GOT1: variants seen among roughly 807,000 people sequenced by gnomAD.
The protein encoded by GOT1 is aspartate aminotransferase, cytoplasmic.
GOT1 carries 25 observed loss-of-function variants against 48.2 expected under a neutral mutation model. The observed-to-expected ratio is 0.52, with a 90% CI of 0.38 to 0.72. The LOEUF is 0.72. GOT1 is among the 30% of genes least tolerant of loss of function. GOT1 has a pLI of 0.00. For synonymous variants in GOT1, 188 were observed against 193.8 expected (o/e 0.97, Z 0.25); for missense variants, 380 against 520.1 (o/e 0.73, Z 2.62).
chr10:99,420,952 A>AAT, intron 1 of GOT1, 147 bp from the exon 2 acceptor site: 1 of 668,316 alleles, frequency 1.5e-6, no homozygotes. Flanking sequence ...TCACTTACTG[A>AAT]GTACCTAATT....
At chr10:99,426,971 G>A (rs1333889689) in intron 1 of GOT1, among the ~76,000 whole-genome samples, 1 of 152,162 alleles carries the variant, frequency 6.6e-6, no homozygotes, top group East Asian at 1.9e-4. Context: ...TATACTTGGG[G>A]ATGTGTATAA....
chr10:99,419,509 A>T (rs1159339400), intron 2 of GOT1, among the ~76,000 whole-genome samples: 1 of 151,850 alleles, frequency 6.6e-6, no homozygotes, highest in Non-Finnish European at 1.5e-5. Context: ...CTGTCCCTGG[A>T]CTCCTACCAT....
intron 5 of GOT1, 22 bp from the exon 6 acceptor site, chr10:99,403,896 C>T (rs373803168): frequency 2.2e-5 from 36 of 1,612,288 alleles, no homozygotes; most frequent in Non-Finnish European, 2.9e-5. Context: ...CAAAGTGAGT[C>T]AGGGCAGGAA....
chr10:99,397,688 T>C lies in GOT1; in HGVS notation c.1103-2A>G. The C allele has an allele frequency of 6.2e-7, 1 of 1,614,014 alleles. No homozygotes were observed. The highest frequency in any genetic ancestry group is 8.5e-7 in the Non-Finnish European group (1 of 1,179,890). The stretch of plus-strand genomic sequence containing the variant: ...TGACCAGATACTCAACCTGCTTGGC[T>C]GTTGAAAACCAAAAGAAGACATAAT... On this transcript the variant is annotated splice_acceptor_variant, in intron 8 of 8. Transcript: ENST00000370508. LOFTEE classifies it high-confidence loss of function. This position sits in a 1 kb window ranked among gnomAD's most constrained non-coding sequence, Gnocchi z 5.4.
rs1564970292 is a variant in GOT1, at chr10:99,406,746, T to C, written c.404A>G (p.Tyr135Cys). Reference protein sequence around the residue: ...NGTNNKNTPVYVSSPTWENHN... With the variant: ...NGTNNKNTPVCVSSPTWENHN... ...CTCACCCCAGGTTGGTGAGGACACATAGACAGGTGTGTTCTTGTTGTTTGT... is the reference window on the plus strand; with the variant it reads ...CTCACCCCAGGTTGGTGAGGACACACAGACAGGTGTGTTCTTGTTGTTTGT... The change falls in exon 3 of 9, where the codon TAT (tyrosine) becomes TGT (cysteine). Residue 135 changes from tyrosine (Y) to cysteine (C), a missense_variant. Coordinates refer to ENST00000370508, the MANE Select transcript of GOT1 (RefSeq NM_002079.3). The C allele has an allele frequency of 1.2e-6, 2 of 1,613,918 alleles. No homozygotes were observed. Among genetic ancestry groups the C allele is most frequent in the Non-Finnish European group, 1.7e-6 (2 of 1,179,830 alleles).
Position 99,403,708 on chromosome 10 carries a change from TCAGGAGAG to T in GOT1, c.793+8_793+15del. On this transcript the variant is annotated splice_region_variant and intron_variant, in intron 6 of 8. Coordinates refer to ENST00000370508, the MANE Select transcript of GOT1 (RefSeq NM_002079.3). ...TGCGAGGAGGTGGGGCTGTAACTCCTCAGGAGAGCACTCACTGTAGAGCCCGAAGTTCT... is the reference window on the plus strand; with the variant it reads ...TGCGAGGAGGTGGGGCTGTAACTCCTCACTCACTGTAGAGCCCGAAGTTCT... 6.2e-7 allele frequency: 1 copy of T among 1,614,132 alleles called. No individual in the cohort carries two copies. Among genetic ancestry groups the T allele is most frequent in the Non-Finnish European group, 8.5e-7 (1 of 1,179,996 alleles).
At chr10:99,418,049 A>AT (rs2032919390) in intron 2 of GOT1, among the ~76,000 whole-genome samples, 3 of 97,258 alleles carry the variant, frequency 3.1e-5, no homozygotes, top group Non-Finnish European at 5.9e-5. Context: ...TTAAAGTATA[A>AT]TTAAAAAAAA....
intron 8 of GOT1, among the ~76,000 whole-genome samples, chr10:99,399,342 T>G (rs2032641621): frequency 6.6e-6 from 1 of 152,246 alleles, no homozygotes; most frequent in African/African-American, 2.4e-5. Context: ...AGGCCTTCTC[T>G]TCTCTGCCTG....
At chr10:99,403,946 C>G in intron 5 of GOT1, 72 bp from the exon 6 acceptor site, 1 of 1,422,366 alleles carries the variant, frequency 7.0e-7, no homozygotes, top group Non-Finnish European at 9.9e-7. Flanking sequence ...CCTTCCTTCC[C>G]CAGCTGATGC....
At chr10:99,426,393 A>G (rs772195943) in intron 1 of GOT1, among the ~76,000 whole-genome samples, 1 of 152,120 alleles carries the variant, frequency 6.6e-6, no homozygotes, top group Non-Finnish European at 1.5e-5. Context: ...TCCCTCACCT[A>G]TCCCCACTCA....
intron 8 of GOT1, among the ~76,000 whole-genome samples, chr10:99,398,893 T>C (rs891627428): frequency 1.3e-5 from 2 of 152,128 alleles, no homozygotes; most frequent in Non-Finnish European, 2.9e-5. Flanking sequence ...CCTTCCGAGA[T>C]TGCACAGCTG....
At chr10:99,401,270 T>C (rs1264234326) in intron 8 of GOT1, among the ~76,000 whole-genome samples, 1 of 152,220 alleles carries the variant, frequency 6.6e-6, no homozygotes. Flanking sequence ...ACTGAGCTAT[T>C]TCTTTACTTT....
In GOT1 at chr10:99,400,511, G is replaced by A. The variant is rs539218365; in HGVS notation, c.1102+2069C>T. On this transcript the variant is annotated intron_variant, in intron 8 of 8. Coordinates refer to ENST00000370508, the MANE Select transcript of GOT1 (RefSeq NM_002079.3). The stretch of plus-strand genomic sequence containing the variant: ...AAATTAGCCGGGCATGGTGGTTCAC[G>A]CCTGTGGTCCCAGCCACTTGGACAC... Among the ~76,000 whole-genome samples, 18 of 152,062 alleles carry A rather than the reference G, an allele frequency of 1.2e-4. No individual in the cohort carries two copies. In the South Asian group the frequency reaches 3.3e-3, roughly 28 times the overall value.
intron 1 of GOT1, among the ~76,000 whole-genome samples, chr10:99,423,675 G>T (rs1892505): frequency 0.13 from 19,664 of 152,028 alleles, 1,381 homozygotes; most frequent in Admixed American, 0.22. Flanking sequence ...TTGAGACAGG[G>T]TCTCACTCTG....
chr10:99,425,746 G>C (rs1444049471), intron 1 of GOT1, among the ~76,000 whole-genome samples: 2 of 152,068 alleles, frequency 1.3e-5, no homozygotes, highest in African/African-American at 4.8e-5. Context: ...AGAACACAAG[G>C]GGAAGATAGA....
intron 1 of GOT1, among the ~76,000 whole-genome samples, chr10:99,421,288 C>T (rs1258475101): frequency 6.6e-6 from 1 of 152,186 alleles, no homozygotes; most frequent in Non-Finnish European, 1.5e-5. Flanking sequence ...GCACCTTTAA[C>T]ACAAACATGG....
intron 1 of GOT1, 67 bp from the exon 2 acceptor site, chr10:99,420,872 T>C (rs2032957193): frequency 7.8e-7 from 1 of 1,284,906 alleles, no homozygotes; most frequent in East Asian, 2.3e-5. Context: ...AGTTTGTAAC[T>C]GTGAACCAGG....
At chr10:99,407,481 G>A (rs2032775584) in intron 2 of GOT1, among the ~76,000 whole-genome samples, 1 of 149,170 alleles carries the variant, frequency 6.7e-6, no homozygotes, top group South Asian at 2.1e-4. Flanking sequence ...CACCTAGGTT[G>A]GAGTGCAGTG....
chr10:99,404,987 C>T (rs988194916), intron 5 of GOT1, among the ~76,000 whole-genome samples: 19 of 152,192 alleles, frequency 1.2e-4, no homozygotes. Flanking sequence ...AACCCGCCAA[C>T]TCCCACATAT....
Sources: gnomAD v4.1 joint callset for allele counts (sites outside exome capture counted in the v4.1 genomes callset) on GRCh38, gnomAD v4.1.1 for gene constraint, Gnocchi (gnomAD v3.1) non-coding constraint, MANE v1.5 for transcripts, NCBI Gene and HGNC (gene_info 2026-07-23, HGNC 2026-07-21) for gene names.